LDHC: variants seen among roughly 807,000 people sequenced by gnomAD.
The protein encoded by LDHC is L-lactate dehydrogenase C chain.
A neutral mutation model predicts 30.2 loss-of-function variants in LDHC; 20 were observed. The observed-to-expected ratio is 0.66, with a 90% CI of 0.47 to 0.96. LDHC has a LOEUF of 0.96. Ranked by LOEUF, LDHC falls within the 40% of genes least tolerant of loss-of-function variation. The pLI, the probability that LDHC is intolerant of heterozygous loss-of-function variation, is 0.00. For missense variants in LDHC, 362 were observed against 394.9 expected (o/e 0.92, Z 0.71); for synonymous variants, 139 against 132.7 (o/e 1.05, Z -0.32).
At chr11:18,433,334 T>C (rs1181096026) in intron 4 of LDHC, among the ~76,000 whole-genome samples, 1 of 151,016 alleles carries the variant, frequency 6.6e-6, no homozygotes, top group East Asian at 1.9e-4. Flanking sequence ...TGCAGTGAGC[T>C]GAGATCATGC....
intron 4 of LDHC, among the ~76,000 whole-genome samples, chr11:18,431,508 G>A (rs1848263826): frequency 6.6e-6 from 1 of 152,016 alleles, no homozygotes; most frequent in African/African-American, 2.4e-5. Flanking sequence ...ATACATTTTA[G>A]CCAATCCAAT....
rs1319560682 is a variant in LDHC, at chr11:18,434,932, T to C, written c.592+19T>C. Reference sequence around the variant, plus strand: ...TCTAGTGGTAAGTATAAATCTATTATTATTACGTGACTACCCTTCTTATCT... The same window carrying C: ...TCTAGTGGTAAGTATAAATCTATTACTATTACGTGACTACCCTTCTTATCT... On this transcript the variant is annotated intron_variant, in intron 5 of 7. Transcript: ENST00000541669. 6.5e-7 allele frequency: 1 copy of C among 1,548,414 alleles called. No individual in the cohort carries two copies.
Position 18,429,869 on chromosome 11 carries a change from A to G in LDHC, c.377A>G (p.His126Arg), listed in dbSNP as rs753971983. The change falls in exon 4 of 8, where the codon CAT becomes CGT. Residue 126 changes from histidine (H) to arginine (R), a missense_variant. Transcript: ENST00000541669. ...IMKSIIPAIV[H>R]YSPDCKILVV... ...AAATCAATCATTCCTGCCATAGTCC[A>G]TTATAGTCCTGATTGTAAAATTCTT... 3.2e-5 allele frequency: 51 copies of G among 1,611,870 alleles called. No homozygotes were observed. The highest frequency in any genetic ancestry group is 4.2e-5 in the Non-Finnish European group (50 of 1,178,438).
chr11:18,417,652 G>A (rs1025122074), intron 3 of LDHC, among the ~76,000 whole-genome samples: 3 of 152,170 alleles, frequency 2.0e-5, no homozygotes, highest in Admixed American at 6.6e-5. Flanking sequence ...GCAGGTGTGA[G>A]CCACCACGCC....
intron 6 of LDHC, among the ~76,000 whole-genome samples, chr11:18,439,530 T>C (rs1380501744): frequency 8.1e-6 from 1 of 123,228 alleles, no homozygotes; most frequent in Non-Finnish European, 1.6e-5. Flanking sequence ...GCCATTGCAC[T>C]CCAGCCTGGG....
intron 6 of LDHC, among the ~76,000 whole-genome samples, chr11:18,439,695 C>A (rs1234186504): frequency 6.7e-6 from 1 of 150,340 alleles, no homozygotes; most frequent in Non-Finnish European, 1.5e-5. Flanking sequence ...GTGTAAGAGG[C>A]CAGGCATGGT....
At chr11:18,445,848 G>A (rs1848544631) in intron 6 of LDHC, among the ~76,000 whole-genome samples, 1 of 152,068 alleles carries the variant, frequency 6.6e-6, no homozygotes, top group Non-Finnish European at 1.5e-5. Flanking sequence ...GCTCATGCCT[G>A]TACTGTCAAG....
At position 18,451,054 on chromosome 11, in the gene LDHC, A is replaced by G. The variant is rs1848647275; in HGVS notation, c.926A>G (p.Asn309Ser). ...TCAGATGTTGTGAAAATTAACTTGA[A>G]TTCTGAGGAGGAGGCCCTTTTCAAG... ...GVSDVVKINL[N>S]SEEEALFKKS... Residue 309 changes from asparagine to serine, a missense_variant, in exon 8 of 8, where the codon AAT becomes AGT. Coordinates refer to ENST00000541669, the MANE Select transcript of LDHC (RefSeq NM_017448.5). 1.3e-6 allele frequency: 2 copies of G among 1,592,640 alleles called. No homozygotes were observed. Among genetic ancestry groups the G allele is most frequent in the East Asian group, 4.6e-5 (2 of 43,578 alleles).
rs2254195 is a variant in LDHC at position 18,448,520 on chromosome 11, C to T, written c.834+2187C>T. ...CTGGTCTTGAACTCGTGACCTGAAG[C>T]GATCCAACCACCTCGGCTTCCCAAA... On this transcript the variant is annotated intron_variant, in intron 7 of 7. Coordinates refer to ENST00000541669, the MANE Select transcript of LDHC (RefSeq NM_017448.5). Among the ~76,000 whole-genome samples, 432 of 152,198 alleles carry T rather than the reference C, an allele frequency of 2.8e-3. 2 individuals carry two copies. The highest frequency in any genetic ancestry group is 9.6e-3 in the African/African-American group (398 of 41,546).
intron 3 of LDHC, among the ~76,000 whole-genome samples, chr11:18,420,448 G>A (rs1459779278): frequency 6.6e-6 from 1 of 152,056 alleles, no homozygotes; most frequent in Non-Finnish European, 1.5e-5. Flanking sequence ...AAGGGAGAGG[G>A]TGACAATAGC....
At chr11:18,428,166 CTTTTTTTTTTTTT>C (rs35861956) in intron 3 of LDHC, among the ~76,000 whole-genome samples, 1 of 94,830 alleles carries the variant, frequency 1.1e-5, no homozygotes, top group African/African-American at 4.4e-5. Context: ...CTTTCTCTCT[CTTTTTTTTTTTTT>C]TTTTTTTTTT....
At chr11:18,425,384 A>G (rs1212832395) in intron 3 of LDHC, among the ~76,000 whole-genome samples, 2 of 151,958 alleles carry the variant, frequency 1.3e-5, no homozygotes, top group African/African-American at 4.8e-5. Context: ...TCATTAAAAA[A>G]TTATTATATT....
At chr11:18,438,107 A>C (rs1436381783) in intron 5 of LDHC, among the ~76,000 whole-genome samples, 3 of 152,168 alleles carry the variant, frequency 2.0e-5, no homozygotes, top group African/African-American at 4.8e-5. Flanking sequence ...AAAGGGGTTT[A>C]ATTTAGCTTG....
chr11:18,435,914 C>T (rs897131037), intron 5 of LDHC, among the ~76,000 whole-genome samples: 3 of 152,170 alleles, frequency 2.0e-5, no homozygotes, highest in African/African-American at 4.8e-5. Context: ...AACATTTAGT[C>T]TCTGCTACAT....
chr11:18,440,862 T>G (rs1023648092), intron 6 of LDHC, among the ~76,000 whole-genome samples: 3 of 151,508 alleles, frequency 2.0e-5, no homozygotes, highest in African/African-American at 7.3e-5. Flanking sequence ...CCAGGCGTTT[T>G]AGGCTCAACT....
At position 18,413,124 on chromosome 11, in the gene LDHC, C is replaced by A. The variant is rs1049463494; in HGVS notation, c.126+281C>A. 4.0e-5 allele frequency among the ~76,000 whole-genome samples: 6 copies of A among 151,330 alleles called. No individual in the cohort carries two copies. In the South Asian group the frequency reaches 1.3e-3, roughly 32 times the overall value. On this transcript the variant is annotated intron_variant, in intron 2 of 7. Transcript: ENST00000541669. Reference sequence around the variant, plus strand: ...TTTGAGACAGGATTTGTCTGTTACCCAGGTTGGAGTGCAGTGGCGCGATCT... The same window carrying A: ...TTTGAGACAGGATTTGTCTGTTACCAAGGTTGGAGTGCAGTGGCGCGATCT...
chr11:18,412,906 C>T (rs1866920283), intron 2 of LDHC, 63 bp downstream of exon 2: 2 of 1,529,238 alleles, frequency 1.3e-6, no homozygotes, highest in Non-Finnish European at 8.9e-7. Flanking sequence ...TTGTATATGT[C>T]GATGTATTCA....
intron 5 of LDHC, among the ~76,000 whole-genome samples, chr11:18,437,998 G>A (rs1177358022): frequency 2.0e-5 from 3 of 152,042 alleles, no homozygotes; most frequent in African/African-American, 7.2e-5. Flanking sequence ...TTGGGAGGTG[G>A]AGGTTGCAGT....
At chr11:18,444,710 G>A (rs528088877) in intron 6 of LDHC, among the ~76,000 whole-genome samples, 18 of 147,616 alleles carry the variant, frequency 1.2e-4, no homozygotes, top group African/African-American at 4.4e-4. Flanking sequence ...CGGGGTAGTT[G>A]TAAGACCTCC....
Sources: allele counts gnomAD v4.1 joint callset (sites outside exome capture counted in the v4.1 genomes callset), GRCh38; gene constraint gnomAD v4.1.1; transcripts MANE v1.5; gene names NCBI Gene and HGNC (gene_info 2026-07-23, HGNC 2026-07-21).